Variants in BAG3 observed in about 807,000 individuals in gnomAD.
BAG3 encodes BAG family molecular chaperone regulator 3.
A neutral mutation model predicts 40.5 loss-of-function variants in BAG3; 14 were observed. The observed-to-expected ratio is 0.35, with a 90% confidence interval of 0.23 to 0.54. The LOEUF (loss-of-function observed/expected upper bound fraction) is 0.54, where lower values mean the gene tolerates loss of function less well. Among genes scored for constraint, BAG3 ranks in the 20% least tolerant of loss-of-function variants. The pLI, the probability that BAG3 is intolerant of heterozygous loss-of-function variation, is 0.91. For synonymous variants in BAG3, 302 were observed against 307.8 expected (o/e 0.98, Z 0.20); for missense variants, 788 against 758.6 (o/e 1.04, Z -0.46).
chr10:119,675,083 G>A (rs554070781), intron 3 of BAG3, among the ~76,000 whole-genome samples: 1 of 152,294 alleles, frequency 6.6e-6, no homozygotes, highest in South Asian at 2.1e-4. Flanking sequence ...TATAATCCTA[G>A]CACTTTGGGA....
At chr10:119,674,088 A>C (rs1332851977) in intron 3 of BAG3, among the ~76,000 whole-genome samples, 2 of 152,208 alleles carry the variant, frequency 1.3e-5, no homozygotes, top group African/African-American at 4.8e-5. Context: ...TTTAGATGCA[A>C]CTTCTCTTCA....
intron 1 of BAG3, among the ~76,000 whole-genome samples, chr10:119,652,224 C>T (rs1846852365): frequency 6.6e-6 from 1 of 152,044 alleles, no homozygotes; most frequent in Non-Finnish European, 1.5e-5. Flanking sequence ...CTCCGGAGGC[C>T]CCGGCCCACC....
In BAG3 at chr10:119,661,121, G is replaced by A. The variant is rs542918686; in HGVS notation, c.181-8730G>A. ...AAACAAAAACAAAAATTAGCTGGGC[G>A]TGGTGGCAGGTGCCTGTAATCCCAG... On this transcript the variant is annotated intron_variant, in intron 1 of 3. Coordinates refer to ENST00000369085, the MANE Select transcript of BAG3 (RefSeq NM_004281.4). Among the ~76,000 whole-genome samples the A allele has an allele frequency of 2.8e-4, 43 of 152,168 alleles. No homozygotes were observed. In the South Asian group the frequency reaches 5.0e-3, roughly 18 times the overall value.
In BAG3 at chr10:119,672,855, T is replaced by G. The variant is rs1333561600; in HGVS notation, c.909+199T>G. Among the ~76,000 whole-genome samples, 1 of 152,180 alleles carries G rather than the reference T, an allele frequency of 6.6e-6. No individual in the cohort carries two copies. The highest frequency in any genetic ancestry group is 2.4e-5 in the African/African-American group (1 of 41,444). ...CTCAGGCTGTGAACCCTCCGCACTCTGCAGCTTTTGCTGGGCTGATCATTG... is the reference window on the plus strand; with the variant it reads ...CTCAGGCTGTGAACCCTCCGCACTCGGCAGCTTTTGCTGGGCTGATCATTG... On this transcript the variant is annotated intron_variant, in intron 3 of 3. Coordinates refer to ENST00000369085, the MANE Select transcript of BAG3 (RefSeq NM_004281.4). This position sits in a 1 kb window ranked among gnomAD's most constrained non-coding sequence, Gnocchi z 4.8.
In BAG3 at chr10:119,651,815, C is replaced by T. The variant is rs1268686377; in HGVS notation, c.140C>T (p.Thr47Ile). Residue 47 changes from threonine (T) to isoleucine (I), a missense_variant, in exon 1 of 4, where the codon ACT becomes ATT. Coordinates refer to ENST00000369085, the MANE Select transcript of BAG3 (RefSeq NM_004281.4). The part of the protein sequence containing the change: ...PFFVDHNSRT[T>I]TWNDPRVPSE... Reference sequence around the variant, plus strand: ...TTCGTGGACCACAACAGCCGCACCACTACGTGGAACGACCCGCGCGTGCCC... The same window carrying T: ...TTCGTGGACCACAACAGCCGCACCATTACGTGGAACGACCCGCGCGTGCCC... 1 of 1,594,582 alleles carries T rather than the reference C, an allele frequency of 6.3e-7. No homozygotes were observed. The highest frequency in any genetic ancestry group is 1.7e-5 in the Admixed American group (1 of 57,810).
chr10:119,651,884 C>G (rs1846846741), intron 1 of BAG3, 29 bp downstream of exon 1: 1 of 1,495,480 alleles, frequency 6.7e-7, no homozygotes, highest in South Asian at 1.2e-5. Context: ...CCGCCCTGGT[C>G]GGTGGCGCCA....
chr10:119,671,825 G>C (rs1455298192), intron 2 of BAG3, among the ~76,000 whole-genome samples: 2 of 152,152 alleles, frequency 1.3e-5, no homozygotes, highest in African/African-American at 2.4e-5. Context: ...GTCTCTCTCT[G>C]TTGCCCAGAC....
At chr10:119,659,651 T>G (rs1846965595) in intron 1 of BAG3, among the ~76,000 whole-genome samples, 2 of 152,186 alleles carry the variant, frequency 1.3e-5, no homozygotes, top group African/African-American at 4.8e-5. Context: ...ACTGAGGATG[T>G]TTTTCTTTTG....
In BAG3 at chr10:119,672,569, G is replaced by A. The variant is rs776700820; in HGVS notation, c.822G>A (p.Ser274=). Residue 274 remains serine, a synonymous_variant, in exon 3 of 4, where the codon TCG becomes TCA. Coordinates refer to ENST00000369085, the MANE Select transcript of BAG3 (RefSeq NM_004281.4). The surrounding 1 kb of genome is among the most constrained non-coding windows in gnomAD (Gnocchi z 4.8). ...TCAGGTCATCTGTCCAGGGTGCATC[G>A]AGCCGGGAGGGCTCACCAGCCAGGA... ...SPFRSSVQGA[S]SREGSPARSS... 17 of 1,613,920 alleles carry A rather than the reference G, an allele frequency of 1.1e-5. No individual in the cohort carries two copies. In the African/African-American group the frequency reaches 1.1e-4, roughly 10 times the overall value.
rs905942170 is a variant in BAG3, at chr10:119,672,047, C to T, written c.508-208C>T. Among the ~76,000 whole-genome samples the T allele has an allele frequency of 6.6e-6, 1 of 152,168 alleles. No homozygotes were observed. Among genetic ancestry groups the T allele is most frequent in the Non-Finnish European group, 1.5e-5 (1 of 68,024 alleles). The stretch of plus-strand genomic sequence containing the variant: ...CAGGTGGTCCACTCACCTAGGCCTC[C>T]CAAAGTGCTGGGATTACAGGTGTGA... On this transcript the variant is annotated intron_variant, in intron 2 of 3. Transcript: ENST00000369085. This position sits in a 1 kb window ranked among gnomAD's most constrained non-coding sequence, Gnocchi z 4.8.
chr10:119,662,215 G>GGT (rs1847001146), intron 1 of BAG3, among the ~76,000 whole-genome samples: 1 of 90,400 alleles, frequency 1.1e-5, no homozygotes, highest in Admixed American at 1.3e-4. Context: ...GCCTGGCTAT[G>GGT]TTTTTTTTTT....
At chr10:119,664,770 T>TA (rs1293262695) in intron 1 of BAG3, among the ~76,000 whole-genome samples, 1 of 152,210 alleles carries the variant, frequency 6.6e-6, no homozygotes, top group African/African-American at 2.4e-5. Flanking sequence ...TGAAGAGACA[T>TA]GTTTTAGTCA....
intron 1 of BAG3, among the ~76,000 whole-genome samples, chr10:119,669,462 A>G (rs1438560899): frequency 6.6e-6 from 1 of 152,164 alleles, no homozygotes; most frequent in Admixed American, 6.5e-5. Context: ...GCTGTAATGT[A>G]GAGGTTGGAG....
rs80040163 is a variant in BAG3, at chr10:119,658,706, A to C, written c.180+6851A>C. On this transcript the variant is annotated intron_variant, in intron 1 of 3. Transcript: ENST00000369085. ...TTAGCATCTACCTGGCCTTACCATC[A>C]GACAAACCTGGGTTCTAGAGATCTT... Among the ~76,000 whole-genome samples the C allele has an allele frequency of 4.5e-3, 683 of 152,320 alleles. 1 individual carries two copies. Among genetic ancestry groups the C allele is most frequent in the Non-Finnish European group, 6.9e-3 (472 of 68,020 alleles).
In BAG3 at chr10:119,677,131, A is replaced by G; in HGVS notation, c.1577A>G (p.Glu526Gly). 6.2e-7 allele frequency: 1 copy of G among 1,614,168 alleles called. No individual in the cohort carries two copies. Among genetic ancestry groups the G allele is most frequent in the Non-Finnish European group, 8.5e-7 (1 of 1,180,030 alleles). ...GATCAGCCACTGCAGGCAATCATGG[A>G]GATGGGTGCCGTGGCAGCAGACAAG... Reference protein sequence around the residue: ...EADQPLQAIMEMGAVAADKGK... With the variant: ...EADQPLQAIMGMGAVAADKGK... The change falls in exon 4 of 4, where the codon GAG becomes GGG. Residue 526 changes from glutamate (E) to glycine (G), a missense_variant. Transcript: ENST00000369085.
chr10:119,667,974 C>G (rs563940700), intron 1 of BAG3, among the ~76,000 whole-genome samples: 1 of 152,374 alleles, frequency 6.6e-6, no homozygotes, highest in South Asian at 2.1e-4. Flanking sequence ...TCTTCAGCGC[C>G]TCTTGCTGGC....
chr10:119,651,925 G>A, intron 1 of BAG3, 70 bp downstream of exon 1: 2 of 1,250,500 alleles, frequency 1.6e-6, no homozygotes, highest in Non-Finnish European at 1.0e-6. Flanking sequence ...GAGTGGGCTG[G>A]GCCGGGGGGA....
intron 2 of BAG3, among the ~76,000 whole-genome samples, chr10:119,671,980 G>A (rs1408068801): frequency 1.3e-5 from 2 of 152,108 alleles, no homozygotes; most frequent in Non-Finnish European, 2.9e-5. Flanking sequence ...GTAGAGATGG[G>A]GTTTCACCAT....
intron 1 of BAG3, among the ~76,000 whole-genome samples, chr10:119,653,836 C>T (rs1390567219): frequency 6.6e-6 from 1 of 152,210 alleles, no homozygotes; most frequent in Admixed American, 6.5e-5. Context: ...CAGTGTGTCT[C>T]TTCAGAAGTT....
Sources: allele counts gnomAD v4.1 joint callset (sites outside exome capture counted in the v4.1 genomes callset), GRCh38; gene constraint gnomAD v4.1.1; non-coding constraint Gnocchi (gnomAD v3.1); transcripts MANE v1.5; gene names NCBI Gene and HGNC (gene_info 2026-07-23, HGNC 2026-07-21).